COL23A1: variants seen among roughly 807,000 people sequenced by gnomAD.
COL23A1 encodes the protein collagen type XXIII alpha 1 chain.
COL23A1 carries 97 observed loss-of-function variants against 99.3 expected under a neutral mutation model. That is an observed-to-expected ratio of 0.98 (90% CI 0.83 to 1.16). The LOEUF is 1.16. Ranked by LOEUF, COL23A1 falls within the 50% of genes most tolerant of loss-of-function variation. The pLI, the probability that COL23A1 is intolerant of heterozygous loss-of-function variation, is 0.00. For synonymous variants in COL23A1, 320 were observed against 308.2 expected, an observed-to-expected ratio of 1.04 and a Z score of -0.40; for missense variants, 762 against 757.4, an observed-to-expected ratio of 1.01 and a Z score of -0.07.
At chr5:178,467,662 C>T (rs186653005) in intron 2 of COL23A1, among the ~76,000 whole-genome samples, 3 of 152,156 alleles carry the variant, frequency 2.0e-5, no homozygotes, top group Non-Finnish European at 2.9e-5. Context: ...ACGGCACACC[C>T]GCTTCGTGAT....
At chr5:178,358,330 GTA>G (rs1248017537) in intron 2 of COL23A1, among the ~76,000 whole-genome samples, 8 of 148,736 alleles carry the variant, frequency 5.4e-5, no homozygotes, top group East Asian at 2.0e-4. Flanking sequence ...GTATGTGTAT[GTA>G]TGTCTAATGT....
chr5:178,407,351 G>C (rs6872182), intron 2 of COL23A1, among the ~76,000 whole-genome samples: 13,285 of 152,264 alleles, frequency 0.087, 946 homozygotes, highest in African/African-American at 0.19. Context: ...GCATGGTGTC[G>C]GAGGGGGCCA....
At chr5:178,533,983 T>A (rs1375227035) in intron 2 of COL23A1, among the ~76,000 whole-genome samples, 1 of 152,152 alleles carries the variant, frequency 6.6e-6, no homozygotes, top group African/African-American at 2.4e-5. Flanking sequence ...CAGCAAACTC[T>A]CTCTCTCCTT....
chr5:178,358,039 T>TGC (rs1458863336), intron 2 of COL23A1, among the ~76,000 whole-genome samples: 6 of 148,568 alleles, frequency 4.0e-5, no homozygotes, highest in South Asian at 2.2e-4. Context: ...CGTATGTGTA[T>TGC]GTGTATGTAT....
chr5:178,562,060 G>A (rs1331322110), intron 1 of COL23A1: 3 of 532,486 alleles, frequency 5.6e-6, no homozygotes, highest in African/African-American at 3.8e-5. Context: ...GGTTCCTGCC[G>A]GTGGGTTCGT....
At chr5:178,455,534 A>T (rs1208696695) in intron 2 of COL23A1, among the ~76,000 whole-genome samples, 1 of 152,234 alleles carries the variant, frequency 6.6e-6, no homozygotes, top group Non-Finnish European at 1.5e-5. Flanking sequence ...ACAGAACCCC[A>T]GAATCTCAGC....
intron 2 of COL23A1, among the ~76,000 whole-genome samples, chr5:178,457,403 C>A (rs901300458): frequency 6.6e-6 from 1 of 152,130 alleles, no homozygotes; most frequent in African/African-American, 2.4e-5. Context: ...TTAGTAGAGA[C>A]GGGGTTTTGC....
intron 2 of COL23A1, among the ~76,000 whole-genome samples, chr5:178,482,717 C>T (rs1287934476): frequency 1.3e-5 from 2 of 151,738 alleles, no homozygotes; most frequent in Non-Finnish European, 2.9e-5. Flanking sequence ...CATGGTGAAA[C>T]CCCGTTGCTA....
chr5:178,287,122 G>A (rs529602151), intron 5 of COL23A1, among the ~76,000 whole-genome samples: 12 of 152,254 alleles, frequency 7.9e-5, no homozygotes, highest in East Asian at 1.9e-4. Context: ...TGCAGGAGAC[G>A]GGAGCCTGAC....
chr5:178,482,668 C>A (rs552660488), intron 2 of COL23A1, among the ~76,000 whole-genome samples: 1 of 151,676 alleles, frequency 6.6e-6, no homozygotes, highest in East Asian at 1.9e-4. Context: ...CCGAGGAGGG[C>A]AGATCACGAG....
At chr5:178,273,533 G>A (rs1756412767) in intron 5 of COL23A1, among the ~76,000 whole-genome samples, 1 of 152,238 alleles carries the variant, frequency 6.6e-6, no homozygotes, top group South Asian at 2.1e-4. Context: ...GAGGCAGAGG[G>A]TGCAGTGTGC....
chr5:178,326,414 T>A (rs551725530), intron 2 of COL23A1, among the ~76,000 whole-genome samples: 5 of 148,556 alleles, frequency 3.4e-5, no homozygotes, highest in South Asian at 2.1e-4. Context: ...AGAGAACATT[T>A]AAAAAAAAAA....
At chr5:178,321,138 AATAC>A (rs1393664363) in intron 2 of COL23A1, among the ~76,000 whole-genome samples, 2 of 152,256 alleles carry the variant, frequency 1.3e-5, no homozygotes, top group Non-Finnish European at 2.9e-5. Context: ...ACTGTGGTAG[AATAC>A]ATAGCATGAA....
intron 2 of COL23A1, among the ~76,000 whole-genome samples, chr5:178,513,734 G>T (rs1442811984): frequency 6.6e-6 from 1 of 152,110 alleles, no homozygotes; most frequent in African/African-American, 2.4e-5. Flanking sequence ...CAGTAATTGA[G>T]GGTGGATCCC....
At chr5:178,408,974 ATACACACACACAC>A (rs1203466032) in intron 2 of COL23A1, among the ~76,000 whole-genome samples, 81 of 56,062 alleles carry the variant, frequency 1.4e-3, no homozygotes, top group Middle Eastern at 0.011. Context: ...AAAAAAAAAA[ATACACACACACAC>A]ACACACACAC....
chr5:178,393,084 G>A (rs1372942364), intron 2 of COL23A1, among the ~76,000 whole-genome samples: 5 of 152,212 alleles, frequency 3.3e-5, no homozygotes, highest in African/African-American at 9.6e-5. Context: ...TCAGGCCTTC[G>A]AACTCCCAAC....
intron 2 of COL23A1, among the ~76,000 whole-genome samples, chr5:178,405,367 A>G (rs1764705240): frequency 6.6e-6 from 1 of 152,258 alleles, no homozygotes; most frequent in Non-Finnish European, 1.5e-5. Flanking sequence ...CAAACAAACT[A>G]TGATTCAATT....
intron 6 of COL23A1, among the ~76,000 whole-genome samples, 172 bp downstream of exon 6, chr5:178,270,165 C>T (rs565569049): frequency 6.6e-6 from 1 of 152,188 alleles, no homozygotes; most frequent in Non-Finnish European, 1.5e-5. Flanking sequence ...CCTTGGTCAC[C>T]GTCAGCAGGT....
chr5:178,300,850 C>G (rs1462169446), intron 3 of COL23A1, among the ~76,000 whole-genome samples: 1 of 152,156 alleles, frequency 6.6e-6, no homozygotes, highest in African/African-American at 2.4e-5. Flanking sequence ...AGGCGTGAGC[C>G]ACCATGCCTG....
Sources: allele counts gnomAD v4.1 joint callset (sites outside exome capture counted in the v4.1 genomes callset), GRCh38; gene constraint gnomAD v4.1.1; transcripts MANE v1.5; gene names NCBI Gene and HGNC (gene_info 2026-07-23, HGNC 2026-07-21).